Variants in EFL1 observed in about 807,000 individuals in gnomAD.
The protein encoded by EFL1 is elongation factor like GTPase 1, also known as elongation factor-like GTPase 1.
EFL1 carries 76 observed loss-of-function variants against 126.7 expected under a neutral mutation model. The observed-to-expected ratio is 0.60, with a 90% confidence interval of 0.50 to 0.73. The LOEUF (loss-of-function observed/expected upper bound fraction) is 0.73. Among genes scored for constraint, EFL1 ranks in the 30% least tolerant of loss-of-function variants. EFL1 has a pLI of 0.00. For missense variants in EFL1, 1,128 were observed against 1,343.2 expected (o/e 0.84, Z 2.50); for synonymous variants, 410 against 448.4 (o/e 0.91, Z 1.08).
In EFL1 at chr15:82,211,549, T is replaced by TACACACACACACAC. The variant is rs35812924; in HGVS notation, c.1750+3154_1750+3167dup. On this transcript the variant is annotated intron_variant, in intron 15 of 19. Transcript: ENST00000268206. ...TCAAAGAAAAAAAAAAAAATCTATA[T>TACACACACACACAC]ACACACACACACACACACACACACA... is the stretch of plus-strand genomic sequence containing the variant. Among the ~76,000 whole-genome samples the TACACACACACACAC allele has an allele frequency of 2.0e-4, 19 of 94,362 alleles. 1 individual carries two copies. Among genetic ancestry groups the TACACACACACACAC allele is most frequent in the Middle Eastern group, 5.6e-3 (1 of 178 alleles). The allele number at this position is 94,362 out of a possible 152,430, so 61.9% of individuals were successfully genotyped here. A position where few individuals can be genotyped will look rare whatever the true frequency, so the allele number is the denominator to read the frequency against.
intron 15 of EFL1, among the ~76,000 whole-genome samples, chr15:82,201,808 A>G (rs917516967): frequency 6.7e-6 from 1 of 149,690 alleles, no homozygotes; most frequent in African/African-American, 2.5e-5. Flanking sequence ...ATCTGGGACA[A>G]TATGGTTACT....
At chr15:82,161,048 G>C (rs544041651) in intron 16 of EFL1, among the ~76,000 whole-genome samples, 1 of 152,214 alleles carries the variant, frequency 6.6e-6, no homozygotes, top group Non-Finnish European at 1.5e-5. Context: ...TGAAGTAGAG[G>C]GTGGCTGCCA....
At chr15:82,197,375 A>G (rs949985139) in intron 15 of EFL1, among the ~76,000 whole-genome samples, 4 of 152,218 alleles carry the variant, frequency 2.6e-5, no homozygotes, top group Non-Finnish European at 5.9e-5. Context: ...AGGAATAACA[A>G]CTTTTACTTC....
chr15:82,203,926 T>G (rs1163191101), intron 15 of EFL1, among the ~76,000 whole-genome samples: 1 of 152,212 alleles, frequency 6.6e-6, no homozygotes, highest in Non-Finnish European at 1.5e-5. Context: ...TTTAAGAGTG[T>G]ACTTAAAGCT....
chr15:82,214,229 A>G (rs954986082), intron 15 of EFL1, among the ~76,000 whole-genome samples: 7 of 152,246 alleles, frequency 4.6e-5, no homozygotes, highest in Non-Finnish European at 8.8e-5. Flanking sequence ...CAAACAAGTG[A>G]TAACATTAAG....
In EFL1 at chr15:82,228,230, T is replaced by C. The variant is rs1430582156; in HGVS notation, c.1030A>G (p.Ile344Val). Residue 344 changes from isoleucine to valine, a missense_variant, in exon 10 of 20, where the codon ATT (isoleucine) becomes GTT (valine). Physicochemically the swap from Ile to Val is conservative, Grantham distance 29. Coordinates refer to ENST00000268206, the MANE Select transcript of EFL1 (RefSeq NM_024580.6). ...GATATGGGTAGCCACTGACTGCAAA[T>C]GGCGTTGATCTGAACTTTAGGGTCT... is the stretch of plus-strand genomic sequence containing the variant. ...HSDPKVQINA[I>V]CSQWLPISHA... 3 of 1,613,816 alleles carry C rather than the reference T, an allele frequency of 1.9e-6. No homozygotes were observed. Among genetic ancestry groups the C allele is most frequent in the Admixed American group, 1.7e-5 (1 of 59,976 alleles).
intron 7 of EFL1, among the ~76,000 whole-genome samples, chr15:82,232,982 T>C (rs1205160331): frequency 1.3e-5 from 2 of 152,118 alleles, no homozygotes; most frequent in African/African-American, 4.8e-5. Flanking sequence ...GTCAGATAAA[T>C]ATCCTGCTCT....
At chr15:82,186,191 T>C (rs2074301788) in intron 15 of EFL1, among the ~76,000 whole-genome samples, 2 of 152,208 alleles carry the variant, frequency 1.3e-5, no homozygotes, top group African/African-American at 4.8e-5. Context: ...ACTCAGAGTT[T>C]TGGAATCACA....
chr15:82,211,957 A>C (rs1344371291), intron 15 of EFL1, among the ~76,000 whole-genome samples: 1 of 152,234 alleles, frequency 6.6e-6, no homozygotes, highest in Non-Finnish European at 1.5e-5. Flanking sequence ...CTAAATGTTA[A>C]AAGCTAGAAG....
chr15:82,159,270 A>G (rs1169298708), intron 16 of EFL1, among the ~76,000 whole-genome samples: 1 of 152,210 alleles, frequency 6.6e-6, no homozygotes, highest in Non-Finnish European at 1.5e-5. Flanking sequence ...ATAATACTAT[A>G]ATACTAATAA....
At position 82,234,588 on chromosome 15, in the gene EFL1, G is replaced by A. The variant is rs910737137; in HGVS notation, c.732-3617C>T. 4.1e-4 allele frequency among the ~76,000 whole-genome samples: 63 copies of A among 151,922 alleles called. 1 individual carries two copies. The highest frequency in any genetic ancestry group is 1.2e-4 in the Non-Finnish European group (8 of 67,942). The stretch of plus-strand genomic sequence containing the variant: ...CACTGCCCTGCCCAAGACAAAATCT[G>A]GTCAAAGGGAAATTGGAGAACAAGT... On this transcript the variant is annotated intron_variant, in intron 7 of 19. Coordinates refer to ENST00000268206, the MANE Select transcript of EFL1 (RefSeq NM_024580.6).
At chr15:82,208,502 G>A (rs899301609) in intron 15 of EFL1, among the ~76,000 whole-genome samples, 5 of 152,098 alleles carry the variant, frequency 3.3e-5, no homozygotes, top group Non-Finnish European at 5.9e-5. Flanking sequence ...GTAAAAAAAC[G>A]AAAGCTTCCC....
In EFL1 at chr15:82,225,158, C is replaced by T. The variant is rs2074749462; in HGVS notation, c.1292+7G>A. The T allele has an allele frequency of 6.3e-7, 1 of 1,599,020 alleles. No homozygotes were observed. Among genetic ancestry groups the T allele is most frequent in the Non-Finnish European group, 8.5e-7 (1 of 1,173,326 alleles). ...CTAGCCCAGCCCAACTTTCCCCTTT[C>T]CCTTACCTTGGCTTATTCTGAGGCA... On this transcript the variant is annotated splice_region_variant and intron_variant, in intron 12 of 19. Transcript: ENST00000268206.
intron 17 of EFL1, among the ~76,000 whole-genome samples, chr15:82,156,536 G>A (rs1473558379): frequency 6.6e-6 from 1 of 152,150 alleles, no homozygotes; most frequent in African/African-American, 2.4e-5. Context: ...GCCCGCCCTG[G>A]CCTCCCAAAG....
Position 82,163,927 on chromosome 15 carries a change from G to A in EFL1, c.1808C>T (p.Ser603Phe). Residue 603 changes from serine (S) to phenylalanine (F), a missense_variant, in exon 16 of 20, where the codon TCC (serine) becomes TTC (phenylalanine). Physicochemically the swap from Ser to Phe is radical, Grantham distance 155 (BLOSUM62 -2). This residue lies in a region of EFL1 where 561 missense variants were observed against 641.7 expected (regional missense o/e 0.87). Transcript: ENST00000268206. The stretch of plus-strand genomic sequence containing the variant: ...GTTGAGTGGTATAAATGGTGGGCAG[G>A]ATGGCAGGCTACACAGTGTTGCAGA... ...LKSATLCSLPSCPPFIPLNFE... is the reference protein window; with the variant it reads ...LKSATLCSLPFCPPFIPLNFE... 6.2e-7 allele frequency: 1 copy of A among 1,614,162 alleles called. No homozygotes were observed. The highest frequency in any genetic ancestry group is 8.5e-7 in the Non-Finnish European group (1 of 1,180,018).
chr15:82,171,894 C>T (rs1263510977), intron 15 of EFL1, among the ~76,000 whole-genome samples: 1 of 152,008 alleles, frequency 6.6e-6, no homozygotes, highest in Non-Finnish European at 1.5e-5. Flanking sequence ...CACACACACA[C>T]ACACCCTGTA....
In EFL1 at chr15:82,211,549, T is replaced by TATACAC. The variant is rs550359757; in HGVS notation, c.1750+3167_1750+3168insGTGTAT. 2.1e-4 allele frequency among the ~76,000 whole-genome samples: 20 copies of TATACAC among 94,364 alleles called. 1 individual carries two copies. The East Asian group carries it at 2.3e-3, about 11-fold the overall frequency. The allele number at this position is 94,364 out of a possible 152,430, so 61.9% of individuals were successfully genotyped here. A position where few individuals can be genotyped will look rare whatever the true frequency, so the allele number is the denominator to read the frequency against. Reference sequence around the variant, plus strand: ...TCAAAGAAAAAAAAAAAAATCTATATACACACACACACACACACACACACA... The same window carrying TATACAC: ...TCAAAGAAAAAAAAAAAAATCTATATATACACACACACACACACACACACACACACA... On this transcript the variant is annotated intron_variant, in intron 15 of 19. Transcript: ENST00000268206.
chr15:82,236,054 A>C (rs1401148075), intron 7 of EFL1, among the ~76,000 whole-genome samples: 1 of 152,192 alleles, frequency 6.6e-6, no homozygotes, highest in South Asian at 2.1e-4. Context: ...CACCAAAATT[A>C]AAAATATCAT....
intron 18 of EFL1, among the ~76,000 whole-genome samples, chr15:82,141,654 A>G (rs894101520): frequency 1.3e-5 from 2 of 150,728 alleles, no homozygotes; most frequent in African/African-American, 2.4e-5. Context: ...AACCTGGGCA[A>G]TAGAGTGAGA....
Sources: gnomAD v4.1 joint callset for allele counts (sites outside exome capture counted in the v4.1 genomes callset) on GRCh38, gnomAD v4.1.1 for gene constraint, gnomAD v4.1.1 regional missense constraint, MANE v1.5 for transcripts, NCBI Gene and HGNC (gene_info 2026-07-23, HGNC 2026-07-21) for gene names.